Variants in ADGRG3 observed in about 807,000 individuals in gnomAD.
ADGRG3 encodes adhesion G protein-coupled receptor G3.
In ADGRG3, 39 loss-of-function variants were observed where a neutral mutation model predicts 54.3. That is an observed-to-expected ratio of 0.72 (90% CI 0.56 to 0.94). The LOEUF is 0.94. Among genes scored for constraint, ADGRG3 ranks in the 40% least tolerant of loss-of-function variants. The pLI is 0.00. For missense variants in ADGRG3, 654 were observed against 694.6 expected (o/e 0.94, Z 0.66); for synonymous variants, 312 against 290.0 (o/e 1.08, Z -0.77).
chr16:57,668,627 G>T (rs1198251902), intron 1 of ADGRG3, among the ~76,000 whole-genome samples: 1 of 152,196 alleles, frequency 6.6e-6, no homozygotes, highest in Non-Finnish European at 1.5e-5. Flanking sequence ...CTGGTCTCAG[G>T]TTCCCTTTGT....
At chr16:57,673,594 G>GAA in intron 2 of ADGRG3, 126 bp downstream of exon 2, 6 of 838,686 alleles carry the variant, frequency 7.2e-6, no homozygotes, top group Non-Finnish European at 9.2e-6. Flanking sequence ...CTTCCACCTT[G>GAA]TTTGACACCA....
chr16:57,672,728 T>G (rs2048184647), intron 1 of ADGRG3, among the ~76,000 whole-genome samples: 1 of 152,200 alleles, frequency 6.6e-6, no homozygotes, highest in South Asian at 2.1e-4. Context: ...AACTAGCTAG[T>G]AACCTTTCTC....
chr16:57,681,897 G>A (rs966235271), intron 8 of ADGRG3, among the ~76,000 whole-genome samples: 7 of 152,172 alleles, frequency 4.6e-5, no homozygotes, highest in Admixed American at 2.0e-4. Flanking sequence ...GAGCATGTGT[G>A]TGCATGTCTG....
Position 57,671,642 on chromosome 16 carries a change from C to A in ADGRG3, c.59-1679C>A, listed in dbSNP as rs568244111. Among the ~76,000 whole-genome samples, 3 of 151,974 alleles carry A rather than the reference C, an allele frequency of 2.0e-5. No individual in the cohort carries two copies. The South Asian group carries it at 6.2e-4, about 32-fold the overall frequency. On this transcript the variant is annotated intron_variant, in intron 1 of 11. Coordinates refer to ENST00000333493, the MANE Select transcript of ADGRG3 (RefSeq NM_170776.5). ...GAGTCACCGCACTCAGCCTTCCTGGCGGTGTTTTAAAGCACATACAGTTAG... is the reference window on the plus strand; with the variant it reads ...GAGTCACCGCACTCAGCCTTCCTGGAGGTGTTTTAAAGCACATACAGTTAG...
upstream of ADGRG3, among the ~76,000 whole-genome samples, chr16:57,666,667 G>GTGAGTGGC (rs1278985655): frequency 1.3e-5 from 2 of 152,140 alleles, no homozygotes; most frequent in Non-Finnish European, 2.9e-5. Context: ...TCAGGGTTCT[G>GTGAGTGGC]TGAGTGGCTC....
intron 8 of ADGRG3, among the ~76,000 whole-genome samples, 187 bp from the exon 9 acceptor site, chr16:57,683,745 G>C (rs1172452812): frequency 1.3e-5 from 2 of 152,220 alleles, no homozygotes; most frequent in Non-Finnish European, 2.9e-5. Flanking sequence ...GCCATGAGAG[G>C]CTCCTGGACT....
chr16:57,669,622 A>C (rs569868654), intron 1 of ADGRG3, among the ~76,000 whole-genome samples: 1 of 152,302 alleles, frequency 6.6e-6, no homozygotes, highest in African/African-American at 2.4e-5. Flanking sequence ...GAGCTCTGAG[A>C]GGTCTACACA....
intron 2 of ADGRG3, 145 bp downstream of exon 2, chr16:57,673,613 CT>C (rs1448541068): frequency 5.6e-6 from 4 of 714,906 alleles, no homozygotes; most frequent in South Asian, 1.9e-5. Context: ...CACAGTCCCC[CT>C]GACCCAACAT....
At chr16:57,683,880 G>A in intron 8 of ADGRG3, 52 bp from the exon 9 acceptor site, 1 of 1,462,882 alleles carries the variant, frequency 6.8e-7, no homozygotes, top group South Asian at 1.4e-5. Context: ...TGCCTCATGG[G>A]AGCTCCCCAT....
chr16:57,666,726 GA>G (rs1394992457), upstream of ADGRG3, among the ~76,000 whole-genome samples: 1 of 152,154 alleles, frequency 6.6e-6, no homozygotes, highest in Non-Finnish European at 1.5e-5. Flanking sequence ...GGGGCCTTAG[GA>G]AAAGGTGGCC....
chr16:57,680,746 C>A, intron 8 of ADGRG3, 129 bp downstream of exon 8: 1 of 661,230 alleles, frequency 1.5e-6, no homozygotes. Context: ...GTCCTCATCC[C>A]AAAATGGGGT....
rs1267758431 is a variant in ADGRG3 at position 57,685,813 on chromosome 16, T to C, written c.1427T>C (p.Val476Ala). The C allele has an allele frequency of 6.2e-6, 10 of 1,614,016 alleles. No individual in the cohort carries two copies. The highest frequency in any genetic ancestry group is 8.5e-6 in the Non-Finnish European group (10 of 1,180,022). The change falls in exon 11 of 12, where the codon GTG (valine) becomes GCG (alanine). Residue 476 changes from valine to alanine, a missense_variant. Transcript: ENST00000333493. ...VKERGKNRKK[V>A]LTLLGLSSLV... ...GAGCGGGGGAAGAACCGGAAGAAGG[T>C]GCTCACCCTGCTGGGCCTCTCGAGC...
chr16:57,685,537 A>AT (rs2048457448), intron 10 of ADGRG3, 106 bp from the exon 11 acceptor site: 2 of 1,102,792 alleles, frequency 1.8e-6, no homozygotes, highest in Admixed American at 3.7e-5. Context: ...ATGGGTGGAA[A>AT]TGGGAGAGGC....
At chr16:57,679,671 C>A in intron 5 of ADGRG3, 145 bp from the exon 6 acceptor site, 1 of 744,576 alleles carries the variant, frequency 1.3e-6, no homozygotes, top group Non-Finnish European at 2.5e-6. Flanking sequence ...CTTAATTTTT[C>A]TGTGTGGCCC....
Position 57,688,429 on chromosome 16 carries a change from T to G in ADGRG3, c.1618T>G (p.Leu540Val), listed in dbSNP as rs777719074. 1 of 1,612,134 alleles carries G rather than the reference T, an allele frequency of 6.2e-7. No individual in the cohort carries two copies. The highest frequency in any genetic ancestry group is 8.5e-7 in the Non-Finnish European group (1 of 1,178,210). The change falls in exon 12 of 12, where the codon TTG (leucine) becomes GTG (valine). Residue 540 changes from leucine to valine, a missense_variant. By Grantham distance (32) the Leu-to-Val change is conservative (BLOSUM62 1). Transcript: ENST00000333493. ...CACAGTCTCCTCCTCTACTGCAAGA[T>G]TGGACCAGGCCCACTCCGCATCTCA... Reference protein sequence around the residue: ...STTVSSSTARLDQAHSASQE With the variant: ...STTVSSSTARVDQAHSASQE
At chr16:57,684,362 G>C in intron 9 of ADGRG3, 28 bp from the exon 10 acceptor site, 1 of 1,599,246 alleles carries the variant, frequency 6.3e-7, no homozygotes, top group South Asian at 1.1e-5. Context: ...AGCCCCAGTG[G>C]TGTCATGCCA....
chr16:57,669,548 G>GT (rs1255621233), intron 1 of ADGRG3, among the ~76,000 whole-genome samples: 1 of 152,196 alleles, frequency 6.6e-6, no homozygotes, highest in African/African-American at 2.4e-5. Flanking sequence ...AGGTGATGCT[G>GT]TTTCCCCCAT....
intron 6 of ADGRG3, 102 bp from the exon 7 acceptor site, chr16:57,680,158 ACCCTC>A: frequency 6.7e-6 from 1 of 150,280 alleles, no homozygotes; most frequent in Non-Finnish European, 1.2e-5. Flanking sequence ...CCCCTCCCTT[ACCCTC>A]CCCTCCCTAT....
At chr16:57,667,861 T>C (rs1433529516), upstream of ADGRG3, among the ~76,000 whole-genome samples, 1 of 152,236 alleles carries the variant, frequency 6.6e-6, no homozygotes, top group African/African-American at 2.4e-5. Flanking sequence ...GTTGCAGGTC[T>C]CATCAAACCC....
Sources: gnomAD v4.1 joint callset for allele counts (sites outside exome capture counted in the v4.1 genomes callset) on GRCh38, gnomAD v4.1.1 for gene constraint, MANE v1.5 for transcripts, NCBI Gene and HGNC (gene_info 2026-07-23, HGNC 2026-07-21) for gene names.